The following ADGRL4 variants were observed in gnomAD, a reference collection of about 807,000 sequenced individuals.
ADGRL4 encodes the protein adhesion G protein-coupled receptor L4.
In ADGRL4, 90 loss-of-function variants were observed where a neutral mutation model predicts 74.8. That is an observed-to-expected ratio of 1.20 (90% confidence interval 1.02 to 1.43). The LOEUF is 1.43. Among genes scored for constraint, ADGRL4 ranks in the 40% most tolerant of loss-of-function variants. The pLI is 0.00. For synonymous variants in ADGRL4, 311 were observed against 279.2 expected (o/e 1.11, Z -1.14); for missense variants, 881 against 814.3 (o/e 1.08, Z -1.00).
At chr1:78,986,606 A>C (rs1024458954) in intron 2 of ADGRL4, among the ~76,000 whole-genome samples, 3 of 151,644 alleles carry the variant, frequency 2.0e-5, no homozygotes, top group Non-Finnish European at 1.5e-5. Context: ...ATGAGACTCT[A>C]TCTCAATAAA....
Position 78,921,792 on chromosome 1 carries a change from A to T in ADGRL4, c.1084-6T>A, listed in dbSNP as rs907267179. 3 of 1,453,654 alleles carry T rather than the reference A, an allele frequency of 2.1e-6. No homozygotes were observed. In the East Asian group the frequency reaches 7.8e-5, roughly 38 times the overall value. The allele number at this position is 1,453,654 out of a possible 1,614,324, so 90.0% of individuals were successfully genotyped here. A position where few individuals can be genotyped will look rare whatever the true frequency, so the allele number is the denominator to read the frequency against. Reference sequence around the variant, plus strand: ...CTCCTATACCTATCTGTGACCTGAAAAAAAGATACTTTACTGATGAAAAAA... The same window carrying T: ...CTCCTATACCTATCTGTGACCTGAATAAAAGATACTTTACTGATGAAAAAA... On this transcript the variant is annotated splice_polypyrimidine_tract_variant and splice_region_variant and intron_variant, in intron 8 of 14. Transcript: ENST00000370742.
chr1:78,999,625 AG>A (rs1357167455), intron 2 of ADGRL4, among the ~76,000 whole-genome samples: 1 of 152,194 alleles, frequency 6.6e-6, no homozygotes, highest in Non-Finnish European at 1.5e-5. Flanking sequence ...TTACATTCCT[AG>A]CAGCTTCAAA....
At chr1:78,997,229 A>G (rs1186461958) in intron 2 of ADGRL4, among the ~76,000 whole-genome samples, 2 of 152,200 alleles carry the variant, frequency 1.3e-5, no homozygotes, top group African/African-American at 4.8e-5. Context: ...CTGAGGTGAT[A>G]CACTCAAGAA....
intron 2 of ADGRL4, among the ~76,000 whole-genome samples, chr1:78,986,000 A>G (rs1365745475): frequency 6.6e-6 from 1 of 151,716 alleles, no homozygotes; most frequent in East Asian, 1.9e-4. Flanking sequence ...AGAAGGGAAC[A>G]ATACACACTG....
At chr1:78,891,716 A>G in intron 13 of ADGRL4, 24 bp from the exon 14 acceptor site, 2 of 1,591,734 alleles carry the variant, frequency 1.3e-6, no homozygotes, top group Non-Finnish European at 1.7e-6. Context: ...GAAATGCGTC[A>G]GTGAAGAAAG....
chr1:78,892,270 ACT>A (rs951111329), intron 13 of ADGRL4, among the ~76,000 whole-genome samples: 4 of 152,174 alleles, frequency 2.6e-5, no homozygotes, highest in African/African-American at 9.6e-5. Flanking sequence ...ATCACAGAAT[ACT>A]GTTTTCTTAA....
At position 78,962,585 on chromosome 1, in the gene ADGRL4, T is replaced by C. The variant is rs560415688; in HGVS notation, c.173-16159A>G. Among the ~76,000 whole-genome samples the C allele has an allele frequency of 3.3e-5, 5 of 152,308 alleles. No individual in the cohort carries two copies. The South Asian group carries it at 1.0e-3, about 32-fold the overall frequency. ...CCAAGCTGAAACTTTATATTGATGA[T>C]GTTAGGATAACATCTTTTTCTTTTG... On this transcript the variant is annotated intron_variant, in intron 2 of 14. Transcript: ENST00000370742.
At position 78,936,306 on chromosome 1, in the gene ADGRL4, T is replaced by C. The variant is rs1266033314; in HGVS notation, c.866A>G (p.Tyr289Cys). The C allele has an allele frequency of 5.0e-6, 8 of 1,594,474 alleles. No individual in the cohort carries two copies. The African/African-American group carries it at 6.8e-5, about 14-fold the overall frequency. The change falls in exon 7 of 15, where the codon TAT becomes TGT. Residue 289 changes from tyrosine (Y) to cysteine (C), a missense_variant. Coordinates refer to ENST00000370742, the MANE Select transcript of ADGRL4 (RefSeq NM_022159.4). ...INIFPKRKAA[Y>C]DSNGNVAVAF... ...TGTTAAAGTCCTACCATTTGAATCA[T>C]ATGCAGCTTTTCTCTTTGGAAATAT...
chr1:78,896,193 C>T (rs1648394743), intron 12 of ADGRL4, among the ~76,000 whole-genome samples: 1 of 151,816 alleles, frequency 6.6e-6, no homozygotes, highest in African/African-American at 2.4e-5. Context: ...GCTCCTCAAG[C>T]CTTGAGGATT....
chr1:78,958,524 C>A (rs1649878923), intron 2 of ADGRL4, among the ~76,000 whole-genome samples: 1 of 152,046 alleles, frequency 6.6e-6, no homozygotes, highest in East Asian at 1.9e-4. Context: ...TAACTGCGGA[C>A]GTGGTGGAAA....
At chr1:78,969,328 T>C (rs1264557100) in intron 2 of ADGRL4, among the ~76,000 whole-genome samples, 1 of 152,236 alleles carries the variant, frequency 6.6e-6, no homozygotes, top group African/African-American at 2.4e-5. Flanking sequence ...ATGTTTCCTT[T>C]TAAGAGGCCA....
At chr1:78,993,816 G>A (rs768592265) in intron 2 of ADGRL4, among the ~76,000 whole-genome samples, 20 of 152,000 alleles carry the variant, frequency 1.3e-4, no homozygotes, top group Non-Finnish European at 2.1e-4. Flanking sequence ...CTCGTGATCC[G>A]TCCGCCTTGG....
At chr1:78,912,119 T>A (rs1283162392) in intron 12 of ADGRL4, among the ~76,000 whole-genome samples, 1 of 151,850 alleles carries the variant, frequency 6.6e-6, no homozygotes, top group Non-Finnish European at 1.5e-5. Flanking sequence ...AAAGACCACA[T>A]TGCAACTGTG....
At chr1:78,926,653 T>C (rs937873775) in intron 8 of ADGRL4, among the ~76,000 whole-genome samples, 3 of 152,064 alleles carry the variant, frequency 2.0e-5, no homozygotes, top group Admixed American at 1.3e-4. Context: ...AAAATATTGC[T>C]TAATTCCAGA....
chr1:78,915,894 A>G (rs536708819), intron 12 of ADGRL4, among the ~76,000 whole-genome samples: 12 of 152,020 alleles, frequency 7.9e-5, no homozygotes, highest in African/African-American at 2.9e-4. Flanking sequence ...ATTTCTTAGT[A>G]TTTAAAAAAG....
At chr1:78,970,862 G>A in intron 2 of ADGRL4, among the ~76,000 whole-genome samples, 1 of 152,112 alleles carries the variant, frequency 6.6e-6, no homozygotes, top group Non-Finnish European at 1.5e-5. Flanking sequence ...CTGTAAACTG[G>A]TTGGTTTAGG....
Position 78,946,372 on chromosome 1 carries a change from G to C in ADGRL4, c.227C>G (p.Thr76Ser), listed in dbSNP as rs766127496. 1.5e-5 allele frequency: 25 copies of C among 1,612,958 alleles called. No individual in the cohort carries two copies. The highest frequency in any genetic ancestry group is 2.1e-5 in the Non-Finnish European group (25 of 1,179,366). Residue 76 changes from threonine to serine, a missense_variant, in exon 3 of 15, where the codon ACT becomes AGT. By Grantham distance (58) the Thr-to-Ser change is moderately conservative. Coordinates refer to ENST00000370742, the MANE Select transcript of ADGRL4 (RefSeq NM_022159.4). ...ACAATAATAACTTCCTTCTGTGTTAGTGCAATTAGCATTTTCGCCACAGGA... is the reference window on the plus strand; with the variant it reads ...ACAATAATAACTTCCTTCTGTGTTACTGCAATTAGCATTTTCGCCACAGGA... The part of the protein sequence containing the change: ...TQSCGENANC[T>S]NTEGSYYCMC...
intron 2 of ADGRL4, among the ~76,000 whole-genome samples, chr1:78,975,280 G>A (rs1241607793): frequency 6.6e-6 from 1 of 152,038 alleles, no homozygotes; most frequent in Non-Finnish European, 1.5e-5. Context: ...ATTAATTACT[G>A]CTTAGAATAA....
At chr1:79,000,457 C>A (rs1457635780) in intron 2 of ADGRL4, among the ~76,000 whole-genome samples, 1 of 152,156 alleles carries the variant, frequency 6.6e-6, no homozygotes, top group African/African-American at 2.4e-5. Flanking sequence ...CAGCAAAACT[C>A]AAATCACACA....
Sources: gnomAD v4.1 joint callset for allele counts (sites outside exome capture counted in the v4.1 genomes callset) on GRCh38, gnomAD v4.1.1 for gene constraint, MANE v1.5 for transcripts, NCBI Gene and HGNC (gene_info 2026-07-23, HGNC 2026-07-21) for gene names.